AVIL: variants seen among roughly 807,000 people sequenced by gnomAD.
The protein encoded by AVIL is advillin.
Under a neutral mutation model 109.9 loss-of-function variants are expected in AVIL, and 78 were observed. That is an observed-to-expected ratio of 0.71 (90% CI 0.59 to 0.86). The LOEUF (loss-of-function observed/expected upper bound fraction) is 0.86, where lower values mean the gene tolerates loss of function less well. Among genes scored for constraint, AVIL ranks in the 40% least tolerant of loss-of-function variants. The pLI is 0.00. For missense variants in AVIL, 892 were observed against 1,016.5 expected, an observed-to-expected ratio of 0.88 and a Z score of 1.67; for synonymous variants, 367 against 379.1, an observed-to-expected ratio of 0.97 and a Z score of 0.37.
chr12:57,809,754 G>T, intron 8 of AVIL, 58 bp downstream of exon 8: 1 of 1,613,076 alleles, frequency 6.2e-7, no homozygotes, highest in Non-Finnish European at 8.5e-7. Context: ...TTTGCACAGG[G>T]TCTGCTTCTG....
chr12:57,812,729 C>CT (rs1956053122), intron 4 of AVIL, among the ~76,000 whole-genome samples: 1 of 152,170 alleles, frequency 6.6e-6, no homozygotes. Context: ...ACTTTGTGTG[C>CT]TAAGCACCAT....
intron 6 of AVIL, 45 bp from the exon 7 acceptor site, chr12:57,810,596 T>G: frequency 6.2e-7 from 1 of 1,602,150 alleles, no homozygotes; most frequent in Non-Finnish European, 8.5e-7. Flanking sequence ...CTGGGACCCC[T>G]TTCTGCCTGA....
intron 11 of AVIL, 22 bp downstream of exon 11, chr12:57,808,172 A>G (rs1565834525): frequency 1.2e-6 from 2 of 1,610,246 alleles, no homozygotes; most frequent in Admixed American, 3.3e-5. Flanking sequence ...GTCTGCCCTG[A>G]CATTTGAATC....
chr12:57,807,808 G>T, intron 11 of AVIL, 81 bp from the exon 12 acceptor site: 1 of 1,582,518 alleles, frequency 6.3e-7, no homozygotes, highest in Non-Finnish European at 8.7e-7. Context: ...GAATCCAGGT[G>T]GGAAAGGTGC....
At chr12:57,806,664 C>T in intron 13 of AVIL, 125 bp from the exon 14 acceptor site, 1 of 1,055,952 alleles carries the variant, frequency 9.5e-7, no homozygotes, top group Non-Finnish European at 1.4e-6. Flanking sequence ...TCTAGACTCA[C>T]TGGAAAGGGT....
intron 18 of AVIL, 55 bp from the exon 19 acceptor site, chr12:57,799,975 T>C: frequency 6.2e-7 from 1 of 1,604,016 alleles, no homozygotes; most frequent in African/African-American, 1.3e-5. Context: ...GTCTGTGTGG[T>C]TACAGTTCTG....
At chr12:57,803,036 G>A (rs1215678212) in intron 16 of AVIL, among the ~76,000 whole-genome samples, 4 of 152,198 alleles carry the variant, frequency 2.6e-5, no homozygotes, top group Non-Finnish European at 5.9e-5. Flanking sequence ...GTGGGAAAAT[G>A]CCCAGGATGG....
intron 2 of AVIL, chr12:57,814,863 G>A (rs756373231): frequency 3.3e-5 from 5 of 152,450 alleles, no homozygotes; most frequent in East Asian, 1.9e-4. Context: ...GGAAACTTGC[G>A]GCCATACTTG....
Position 57,797,940 on chromosome 12 carries a change from A to G in AVIL, c.2402T>C (p.Phe801Ser), listed in dbSNP as rs200509466. The G allele has an allele frequency of 1.2e-6, 2 of 1,613,246 alleles. No homozygotes were observed. Among genetic ancestry groups the G allele is most frequent in the East Asian group, 2.2e-5 (1 of 44,854 alleles). The change falls in exon 20 of 20, where the codon TTT becomes TCT. Residue 801 changes from phenylalanine (F) to serine (S), a missense_variant. Phe to Ser is a radical substitution (Grantham distance 155). Transcript: ENST00000549994. ...VSVFGITRGQ[F>S]AALPGWKQLQ... ...CTGTTTCCAGCCAGGCAGAGCTGCA[A>G]ATTGCCCTCTTGTGATGCCAAACAC...
At position 57,799,858 on chromosome 12, in the gene AVIL, T is replaced by C. The variant is rs1196704592; in HGVS notation, c.2283A>G (p.Ile761Met). 4 of 1,614,144 alleles carry C rather than the reference T, an allele frequency of 2.5e-6. No homozygotes were observed. The highest frequency in any genetic ancestry group is 3.4e-6 in the Non-Finnish European group (4 of 1,179,998). Residue 761 changes from isoleucine to methionine, a missense_variant, in exon 19 of 20, where the codon ATA (isoleucine) becomes ATG (methionine). Ile to Met is a conservative substitution (Grantham distance 10, BLOSUM62 1). Transcript: ENST00000549994. ...SNDSEPKYYPIAVLLKNQNQE... is the reference protein window; with the variant it reads ...SNDSEPKYYPMAVLLKNQNQE... ...GATTCTGGTTTTTCAACAGAACTGCTATAGGGTAATATTTTGGCTCACTGT... is the reference window on the plus strand; with the variant it reads ...GATTCTGGTTTTTCAACAGAACTGCCATAGGGTAATATTTTGGCTCACTGT...
Position 57,813,299 on chromosome 12 carries a change from CTGCCTCCCAGGT to C in AVIL, c.254_265del (p.Tyr85_Ser89delinsCys), listed in dbSNP as rs1956060410. On this transcript the variant is annotated inframe_deletion, in exon 4 of 20. Transcript: ENST00000549994. Reference sequence around the variant, plus strand: ...CTGGACCTCTCGGTGCTGCACAGGGCTGCCTCCCAGGTAGTCGTCCAGCTGTGTGGTATATAT... The same window carrying C: ...CTGGACCTCTCGGTGCTGCACAGGGCAGTCGTCCAGCTGTGTGGTATATAT... 2.5e-6 allele frequency: 4 copies of C among 1,613,984 alleles called. No homozygotes were observed. The highest frequency in any genetic ancestry group is 3.4e-6 in the Non-Finnish European group (4 of 1,180,028).
At position 57,797,861 on chromosome 12, in the gene AVIL, A is replaced by G; in HGVS notation, c.*21T>C. 5.2e-6 allele frequency: 8 copies of G among 1,532,070 alleles called. No homozygotes were observed. The highest frequency in any genetic ancestry group is 1.4e-5 in the African/African-American group (1 of 71,712). The allele number at this position is 1,532,070 out of a possible 1,614,324, so 94.9% of individuals were successfully genotyped here. On this transcript the variant is annotated 3_prime_UTR_variant, in exon 20 of 20. Coordinates refer to ENST00000549994, the MANE Select transcript of AVIL (RefSeq NM_006576.4). ...ATCTGCTCTTTTCTGTGGCCTTGCA[A>G]TAGGTATAGGCCTTCTTGCTTTAGA...
chr12:57,818,390 G>A (rs1471079200), intron 1 of AVIL, among the ~76,000 whole-genome samples: 1 of 151,668 alleles, frequency 6.6e-6, no homozygotes, highest in Non-Finnish European at 1.5e-5. Context: ...TCTTTCTCTA[G>A]GGATAGGTGA....
In AVIL at chr12:57,803,541, G is replaced by C. The variant is rs770013380; in HGVS notation, c.1800C>G (p.Pro600=). 16 of 1,614,180 alleles carry C rather than the reference G, an allele frequency of 9.9e-6. No individual in the cohort carries two copies. In the East Asian group the frequency reaches 3.6e-4, roughly 36 times the overall value. ...EFWDLLGGKT[P]YANDKRLQQE... ...TCCCATACCTTTTATCATTGGCATA[G>C]GGAGTTTTCCCTCCCAGTAGGTCCC... is the stretch of plus-strand genomic sequence containing the variant. Residue 600 remains proline, a synonymous_variant, in exon 15 of 20, where the codon CCC becomes CCG. Transcript: ENST00000549994.
rs766006295 is a variant in AVIL, at chr12:57,799,819, C to G, written c.2322G>C (p.Glu774Asp). The G allele has an allele frequency of 5.6e-6, 9 of 1,614,120 alleles. No homozygotes were observed. Among genetic ancestry groups the G allele is most frequent in the Admixed American group, 1.7e-5 (1 of 60,022 alleles). ...LLKNQNQELP[E>D]DVNPAKKENY... is the part of the protein sequence containing the mutation. The stretch of plus-strand genomic sequence containing the variant: ...CCTCCTTTTTGGCAGGGTTTACATC[C>G]TCAGGCAGCTCCTGATTCTGGTTTT... Residue 774 changes from glutamate to aspartate, a missense_variant, in exon 19 of 20, where the codon GAG becomes GAC. Glu to Asp is a conservative substitution (Grantham distance 45). Coordinates refer to ENST00000549994, the MANE Select transcript of AVIL (RefSeq NM_006576.4).
chr12:57,803,311 A>T lies in AVIL; in HGVS notation c.1898T>A (p.Ile633Asn). 6.2e-7 allele frequency: 1 copy of T among 1,614,174 alleles called. No individual in the cohort carries two copies. The highest frequency in any genetic ancestry group is 8.5e-7 in the Non-Finnish European group (1 of 1,180,028). Residue 633 changes from isoleucine to asparagine, a missense_variant, in exon 16 of 20, where the codon ATC becomes AAC. Transcript: ENST00000549994. ...CAGGTCATCCTGGGTGAAGTCTGTG[A>T]TCTCAGTGACAACGAATTGGCCGGT... is the stretch of plus-strand genomic sequence containing the variant. ...NKTGQFVVTE[I>N]TDFTQDDLNP...
intron 1 of AVIL, among the ~76,000 whole-genome samples, chr12:57,817,541 G>A (rs540674009): frequency 2.0e-5 from 3 of 152,040 alleles, no homozygotes; most frequent in African/African-American, 7.2e-5. Flanking sequence ...TATGGTGTTT[G>A]GGTTTTCTTC....
intron 11 of AVIL, 56 bp downstream of exon 11, chr12:57,808,138 A>G: frequency 6.4e-7 from 1 of 1,573,274 alleles, no homozygotes; most frequent in East Asian, 2.2e-5. Flanking sequence ...TGCCCCCAGC[A>G]GGACAGCCAT....
chr12:57,814,964 T>G (rs1413017600), intron 2 of AVIL: 1 of 152,352 alleles, frequency 6.6e-6, no homozygotes, highest in African/African-American at 2.4e-5. Context: ...TTGTTTTTGT[T>G]TTTTTTGAGA....
Sources: gnomAD v4.1 joint callset for allele counts (sites outside exome capture counted in the v4.1 genomes callset) on GRCh38, gnomAD v4.1.1 for gene constraint, MANE v1.5 for transcripts, NCBI Gene and HGNC (gene_info 2026-07-23, HGNC 2026-07-21) for gene names.